SCAPER: variants seen among roughly 807,000 people sequenced by gnomAD.
SCAPER encodes the protein S-phase cyclin A associated protein in the ER, also known as S phase cyclin A-associated protein in the endoplasmic reticulum.
A neutral mutation model predicts 182.2 loss-of-function variants in SCAPER; 98 were observed. That is an observed-to-expected ratio of 0.54 (90% CI 0.46 to 0.64). The LOEUF (loss-of-function observed/expected upper bound fraction) is 0.64. Among genes scored for constraint, SCAPER ranks in the 30% least tolerant of loss-of-function variants. SCAPER has a pLI of 0.00. For missense variants in SCAPER, 1,432 were observed against 1,690.0 expected (o/e 0.85, Z 2.68); for synonymous variants, 605 against 564.6 (o/e 1.07, Z -1.01).
chr15:76,765,237 TA>T (rs1261546894), intron 13 of SCAPER, 99 bp downstream of exon 13: 6 of 1,051,702 alleles, frequency 5.7e-6, no homozygotes, highest in Middle Eastern at 2.6e-4. Context: ...TGTCCTGAAG[TA>T]ATGTGTCCAA....
intron 21 of SCAPER, among the ~76,000 whole-genome samples, chr15:76,663,961 T>C (rs760157353): frequency 8.3e-4 from 126 of 152,138 alleles, no homozygotes; most frequent in Non-Finnish European, 8.4e-4. Flanking sequence ...GTTATTTACA[T>C]TTTTAAGATT....
intron 14 of SCAPER, 51 bp from the exon 15 acceptor site, chr15:76,753,999 A>G: frequency 6.3e-7 from 1 of 1,575,018 alleles, no homozygotes; most frequent in Non-Finnish European, 8.6e-7. Context: ...ACAATCATTT[A>G]AAAGAAGTAC....
chr15:76,475,810 T>C, intron 24 of SCAPER, among the ~76,000 whole-genome samples: 1 of 152,166 alleles, frequency 6.6e-6, no homozygotes, highest in East Asian at 1.9e-4. Context: ...TCCTTTGTGA[T>C]ACAGTGAAAA....
chr15:76,504,077 G>A (rs1347930629), intron 24 of SCAPER, among the ~76,000 whole-genome samples: 2 of 151,854 alleles, frequency 1.3e-5, no homozygotes, highest in African/African-American at 4.8e-5. Flanking sequence ...TTGTAGGGAC[G>A]GGGTCTCGCT....
intron 23 of SCAPER, among the ~76,000 whole-genome samples, chr15:76,518,629 G>T (rs1459401027): frequency 6.6e-6 from 1 of 152,102 alleles, no homozygotes; most frequent in Non-Finnish European, 1.5e-5. Flanking sequence ...AAGGCTTATG[G>T]GAGAAACACA....
intron 2 of SCAPER, among the ~76,000 whole-genome samples, chr15:76,879,458 A>G (rs2073391936): frequency 6.6e-6 from 1 of 152,224 alleles, no homozygotes; most frequent in Non-Finnish European, 1.5e-5. Flanking sequence ...AGGATCTCAG[A>G]TCTTTTACTG....
chr15:76,483,271 C>A (rs1379771981), intron 24 of SCAPER, among the ~76,000 whole-genome samples: 9 of 143,514 alleles, frequency 6.3e-5, no homozygotes, highest in African/African-American at 2.3e-4. Context: ...ACAAACGGTG[C>A]TAGAACAACT....
At chr15:76,899,808 G>A (rs1450435849) in intron 1 of SCAPER, among the ~76,000 whole-genome samples, 1 of 152,208 alleles carries the variant, frequency 6.6e-6, no homozygotes, top group African/African-American at 2.4e-5. Context: ...CCTCTGCCCG[G>A]CCGCCCCGTC....
At chr15:76,652,369 C>T (rs189583170) in intron 21 of SCAPER, among the ~76,000 whole-genome samples, 1,318 of 13,154 alleles carry the variant, frequency 0.1, 70 homozygotes, top group Non-Finnish European at 0.12. Flanking sequence ...CACACACACA[C>T]ACATATATAT....
intron 25 of SCAPER, among the ~76,000 whole-genome samples, chr15:76,462,371 A>G (rs2049256851): frequency 6.6e-6 from 1 of 152,188 alleles, no homozygotes; most frequent in Non-Finnish European, 1.5e-5. Context: ...TTATTCATCC[A>G]TAACTGAAGC....
intron 21 of SCAPER, among the ~76,000 whole-genome samples, chr15:76,634,580 A>C (rs2053434794): frequency 6.6e-6 from 1 of 152,184 alleles, no homozygotes; most frequent in African/African-American, 2.4e-5. Context: ...CATGAAACAC[A>C]GAATGTCTTT....
intron 1 of SCAPER, among the ~76,000 whole-genome samples, chr15:76,886,878 T>C (rs2073869314): frequency 1.3e-5 from 2 of 152,192 alleles, no homozygotes; most frequent in Admixed American, 6.5e-5. Context: ...GAGGCCATCA[T>C]CCTTAGCAAA....
intron 24 of SCAPER, among the ~76,000 whole-genome samples, chr15:76,492,581 C>T (rs979509695): frequency 6.6e-6 from 1 of 152,104 alleles, no homozygotes; most frequent in African/African-American, 2.4e-5. Context: ...AGAAGTCCTA[C>T]ATGTGGACTT....
chr15:76,447,345 T>TA (rs2048071193), intron 25 of SCAPER, among the ~76,000 whole-genome samples: 1 of 152,200 alleles, frequency 6.6e-6, no homozygotes, highest in Non-Finnish European at 1.5e-5. Context: ...TAAGCCACTC[T>TA]AGCAAATTCA....
chr15:76,621,362 C>A (rs2052033033), intron 22 of SCAPER, among the ~76,000 whole-genome samples: 1 of 152,192 alleles, frequency 6.6e-6, no homozygotes, highest in Admixed American at 6.5e-5. Context: ...GCCCGAGGAA[C>A]AATCCTTAAA....
chr15:76,492,220 T>C (rs575548244), intron 24 of SCAPER, among the ~76,000 whole-genome samples: 2 of 152,188 alleles, frequency 1.3e-5, no homozygotes, highest in Non-Finnish European at 2.9e-5. Context: ...TTAGAAAACA[T>C]GTGGAAGGCT....
At chr15:76,538,291 C>T (rs2044377249) in intron 23 of SCAPER, among the ~76,000 whole-genome samples, 1 of 149,598 alleles carries the variant, frequency 6.7e-6, no homozygotes, top group African/African-American at 2.5e-5. Flanking sequence ...GCACTATTCA[C>T]AATAGCAAAG....
chr15:76,461,552 A>G (rs2049178400), intron 25 of SCAPER, among the ~76,000 whole-genome samples: 1 of 151,738 alleles, frequency 6.6e-6, no homozygotes, highest in South Asian at 2.1e-4. Flanking sequence ...TATTTCAGGT[A>G]TTGTATTTTC....
intron 20 of SCAPER, among the ~76,000 whole-genome samples, chr15:76,689,504 A>G (rs1412959785): frequency 1.3e-5 from 2 of 152,214 alleles, no homozygotes; most frequent in African/African-American, 2.4e-5. Flanking sequence ...AAAAAATATC[A>G]ATTATTGACT....
Sources: gnomAD v4.1 joint callset for allele counts (sites outside exome capture counted in the v4.1 genomes callset) on GRCh38, gnomAD v4.1.1 for gene constraint, MANE v1.5 for transcripts, NCBI Gene and HGNC (gene_info 2026-07-23, HGNC 2026-07-21) for gene names.